Variants in MTCL2 observed in about 807,000 individuals in gnomAD.
MTCL2 encodes microtubule cross-linking factor 2.
the MTCL2 span, among the ~76,000 whole-genome samples, chr20:36,834,606 T>C: frequency 6.6e-6 from 1 of 152,146 alleles, no homozygotes; most frequent in African/African-American, 2.4e-5. Context: ...AGTCTACTAC[T>C]ACTACCAACC....
At chr20:36,860,862 C>G in the MTCL2 span, among the ~76,000 whole-genome samples, 66,814 of 152,082 alleles carry the variant, frequency 0.44, 15,618 homozygotes, top group Middle Eastern at 0.64. Flanking sequence ...ACGGTTCCAT[C>G]TTGGCCCAAA....
chr20:36,846,477 C>G, the MTCL2 span, among the ~76,000 whole-genome samples: 1 of 152,218 alleles, frequency 6.6e-6, no homozygotes, highest in African/African-American at 2.4e-5. Flanking sequence ...ACACTGCTGC[C>G]AGGATAGGCA....
At chr20:36,857,588 G>A in the MTCL2 span, among the ~76,000 whole-genome samples, 2 of 152,228 alleles carry the variant, frequency 1.3e-5, no homozygotes, top group East Asian at 1.9e-4. Context: ...AGGAGGCTGC[G>A]GCTGGGACTC....
the MTCL2 span, among the ~76,000 whole-genome samples, chr20:36,813,430 T>C: frequency 6.6e-6 from 1 of 151,036 alleles, no homozygotes; most frequent in Admixed American, 6.6e-5. Flanking sequence ...GTATAGTTGT[T>C]AAAAAGAAAG....
the MTCL2 span, chr20:36,793,645 C>T: frequency 8.4e-6 from 13 of 1,551,136 alleles, no homozygotes; most frequent in African/African-American, 4.1e-5. The surrounding 1 kb of genome is among the most constrained non-coding windows in gnomAD (Gnocchi z 6.8). Flanking sequence ...GGCTGTCCCG[C>T]GTGGTGGTGG....
the MTCL2 span, chr20:36,797,003 AGGGC>A: frequency 6.4e-7 from 1 of 1,557,696 alleles, no homozygotes; most frequent in South Asian, 1.1e-5. Flanking sequence ...CAGAGCACTA[AGGGC>A]ATGGAACAAG....
At chr20:36,863,454 TCTCGGCCCAC>T in the MTCL2 span, 2 of 825,338 alleles carry the variant, frequency 2.4e-6, no homozygotes, top group African/African-American at 3.7e-5. This position sits in a 1 kb window ranked among gnomAD's most constrained non-coding sequence, Gnocchi z 6.2. Context: ...CTGCGGCTGC[TCTCGGCCCAC>T]CTCGGCCCCG....
the MTCL2 span, among the ~76,000 whole-genome samples, chr20:36,860,088 C>T: frequency 2.6e-5 from 4 of 152,198 alleles, no homozygotes; most frequent in Non-Finnish European, 5.9e-5. Context: ...AGTTAAGGGA[C>T]TAACCCAAAT....
the MTCL2 span, among the ~76,000 whole-genome samples, chr20:36,788,101 C>T: frequency 1.3e-5 from 2 of 148,406 alleles, no homozygotes; most frequent in Non-Finnish European, 3.0e-5. Flanking sequence ...CTTGGGAGAC[C>T]GAAGCAGCAG....
the MTCL2 span, among the ~76,000 whole-genome samples, chr20:36,814,882 G>A: frequency 3.3e-5 from 5 of 151,934 alleles, no homozygotes; most frequent in African/African-American, 4.8e-5. Context: ...GCGAGACTCC[G>A]TCTCAAAAAA....
the MTCL2 span, among the ~76,000 whole-genome samples, chr20:36,844,394 AAAAAAAAATAAT>A: frequency 6.9e-6 from 1 of 145,308 alleles, no homozygotes; most frequent in Admixed American, 6.8e-5. Flanking sequence ...CATCTCTACA[AAAAAAAAATAAT>A]AATAATAATA....
chr20:36,796,899 T>TCC, the MTCL2 span: 1 of 1,613,886 alleles, frequency 6.2e-7, no homozygotes, highest in Non-Finnish European at 8.5e-7. Flanking sequence ...AACCATTTCC[T>TCC]CCAAGCTCAA....
chr20:36,818,423 CAATAA>C, the MTCL2 span, among the ~76,000 whole-genome samples: 1 of 152,124 alleles, frequency 6.6e-6, no homozygotes, highest in South Asian at 2.1e-4. Flanking sequence ...CAAACAACAA[CAATAA>C]AATGAATATA....
the MTCL2 span, chr20:36,817,439 G>T: frequency 6.3e-7 from 1 of 1,589,746 alleles, no homozygotes. Flanking sequence ...GCCTTCCCCA[G>T]GGAGCGGGTT....
At chr20:36,815,495 C>T in the MTCL2 span, 2,060 of 1,586,912 alleles carry the variant, frequency 1.3e-3, 27 homozygotes, top group African/African-American at 0.025. The surrounding 1 kb of genome is among the most constrained non-coding windows in gnomAD (Gnocchi z 5.3). Flanking sequence ...GCACCTCGGC[C>T]TCCCTGGCTC....
the MTCL2 span, among the ~76,000 whole-genome samples, chr20:36,787,495 T>C: frequency 6.6e-6 from 1 of 152,098 alleles, no homozygotes; most frequent in Non-Finnish European, 1.5e-5. Context: ...AGTGGTGGGA[T>C]TGCAGGTGTG....
the MTCL2 span, chr20:36,785,421 A>G: frequency 1.0e-6 from 1 of 985,232 alleles, no homozygotes; most frequent in East Asian, 1.1e-4. Context: ...GAAAAATTCA[A>G]ATAAACAATC....
At chr20:36,863,478 C>T in the MTCL2 span, 4 of 582,706 alleles carry the variant, frequency 6.9e-6, no homozygotes, top group Admixed American at 1.1e-4. The surrounding 1 kb of genome is among the most constrained non-coding windows in gnomAD (Gnocchi z 6.2). Context: ...GGCCCCGACA[C>T]CGCGTCCCCG....
chr20:36,778,278 C>T, the MTCL2 span: 3 of 154,822 alleles, frequency 1.9e-5, no homozygotes, highest in Admixed American at 1.3e-4. Flanking sequence ...CAGTCCCAGT[C>T]CCTCCCCAGG....
Sources: gnomAD v4.1 joint callset for allele counts (sites outside exome capture counted in the v4.1 genomes callset) on GRCh38, gnomAD v4.1.1 for gene constraint, Gnocchi (gnomAD v3.1) non-coding constraint, MANE v1.5 for transcripts, NCBI Gene and HGNC (gene_info 2026-07-23, HGNC 2026-07-21) for gene names.